SCOC: variants seen among roughly 807,000 people sequenced by gnomAD.
SCOC encodes the protein short coiled-coil protein.
Under a neutral mutation model 9.9 loss-of-function variants are expected in SCOC, and 7 were observed. The ratio of observed to expected loss-of-function variants is 0.71; its 90% CI spans 0.40 to 1.33. The LOEUF (loss-of-function observed/expected upper bound fraction) is 1.33. SCOC is among the 40% of genes most tolerant of loss of function. The probability of loss-of-function intolerance (pLI) is 0.01; values close to 1 mark genes in which losing one functional copy is unlikely to be tolerated. For missense variants in SCOC, 66 were observed against 89.7 expected (o/e 0.74, Z 1.07); for synonymous variants, 19 against 28.2 (o/e 0.67, Z 1.03).
chr4:140,260,697 C>T (rs185711294), intron 1 of SCOC, among the ~76,000 whole-genome samples: 1 of 152,228 alleles, frequency 6.6e-6, no homozygotes, highest in African/African-American at 2.4e-5. Flanking sequence ...CAGGCCCACT[C>T]CAAAGAATAA....
At chr4:140,292,155 A>G (rs1418737426) in intron 1 of SCOC, among the ~76,000 whole-genome samples, 2 of 148,348 alleles carry the variant, frequency 1.3e-5, no homozygotes, top group Admixed American at 6.7e-5. Context: ...TTGATCACGC[A>G]TGCTCAAAAT....
chr4:140,294,349 G>A (rs571636813), intron 1 of SCOC, among the ~76,000 whole-genome samples: 12 of 152,280 alleles, frequency 7.9e-5, no homozygotes, highest in Admixed American at 7.8e-4. Flanking sequence ...TGGAAGTACC[G>A]GATGCCACTG....
At chr4:140,284,957 C>A in intron 1 of SCOC, 1 of 263,620 alleles carries the variant, frequency 3.8e-6, no homozygotes, top group Non-Finnish European at 7.6e-6. Flanking sequence ...AAAGTACAAT[C>A]ATGCAAATTT....
upstream of SCOC, among the ~76,000 whole-genome samples, chr4:140,343,089 C>T (rs1261987934): frequency 6.6e-6 from 1 of 151,918 alleles, no homozygotes; most frequent in East Asian, 1.9e-4. Flanking sequence ...ATGTATGAAT[C>T]TTATTTCTTC....
intron 1 of SCOC, among the ~76,000 whole-genome samples, chr4:140,277,600 TA>T (rs142346557): frequency 1.5e-3 from 234 of 152,326 alleles, no homozygotes; most frequent in African/African-American, 5.4e-3. Flanking sequence ...TTAAGTAGCT[TA>T]TAAGCTTTTG....
chr4:140,268,115 G>A (rs1004227479), intron 1 of SCOC, among the ~76,000 whole-genome samples: 5 of 152,224 alleles, frequency 3.3e-5, no homozygotes, highest in African/African-American at 1.2e-4. Context: ...ATGGGGTGAA[G>A]GATTCACTAA....
chr4:140,279,518 C>T (rs71606891), intron 1 of SCOC, among the ~76,000 whole-genome samples: 8,729 of 151,956 alleles, frequency 0.057, 474 homozygotes, highest in East Asian at 0.28. Flanking sequence ...ATACTGGACA[C>T]GCTAAATAAT....
intron 1 of SCOC, among the ~76,000 whole-genome samples, chr4:140,263,526 A>G (rs757784037): frequency 6.6e-6 from 1 of 152,146 alleles, no homozygotes; most frequent in Non-Finnish European, 1.5e-5. Context: ...TTTGTTTGAG[A>G]TGACACCGGG....
chr4:140,322,069 G>A (rs1732515197), intron 1 of SCOC, among the ~76,000 whole-genome samples: 1 of 152,144 alleles, frequency 6.6e-6, no homozygotes, highest in South Asian at 2.1e-4. Context: ...TCTTGGACTT[G>A]CCAACCTCTA....
At chr4:140,355,224 T>TATA (rs1727167854) in intron 2 of SCOC, among the ~76,000 whole-genome samples, 1 of 80,216 alleles carries the variant, frequency 1.2e-5, no homozygotes, top group Non-Finnish European at 2.8e-5. Context: ...TATATATATA[T>TATA]ATATATATAT....
chr4:140,351,202 A>AAAG (rs946080423), intron 2 of SCOC, among the ~76,000 whole-genome samples: 1 of 151,868 alleles, frequency 6.6e-6, no homozygotes, highest in South Asian at 2.1e-4. Context: ...AAAAAAAAAA[A>AAAG]AAGAAGAAGA....
At chr4:140,353,854 A>G (rs1005243927) in intron 2 of SCOC, among the ~76,000 whole-genome samples, 6 of 152,228 alleles carry the variant, frequency 3.9e-5, no homozygotes, top group Admixed American at 2.6e-4. Context: ...CACAGTCAAC[A>G]GCAGGCTCTT....
chr4:140,324,353 A>G (rs1411938515), intron 1 of SCOC, among the ~76,000 whole-genome samples: 1 of 152,210 alleles, frequency 6.6e-6, no homozygotes, highest in Non-Finnish European at 1.5e-5. Flanking sequence ...AGTCATAGCC[A>G]GTGAAATAAG....
At chr4:140,259,792 A>G (rs975294160) in intron 1 of SCOC, among the ~76,000 whole-genome samples, 8 of 152,236 alleles carry the variant, frequency 5.3e-5, no homozygotes, top group Non-Finnish European at 8.8e-5. Context: ...GAAGATGCCC[A>G]AAGTTCTCAT....
chr4:140,356,439 T>C (rs947223967), intron 2 of SCOC, among the ~76,000 whole-genome samples: 4 of 152,238 alleles, frequency 2.6e-5, no homozygotes, highest in Admixed American at 6.5e-5. Context: ...CCAGTTGTCT[T>C]GATAATATCC....
intron 1 of SCOC, among the ~76,000 whole-genome samples, chr4:140,307,273 C>T (rs1732021427): frequency 6.6e-6 from 1 of 152,212 alleles, no homozygotes; most frequent in Non-Finnish European, 1.5e-5. Context: ...GCAATTAACA[C>T]TACTCAGTCC....
At chr4:140,312,987 T>G (rs1313010212) in intron 1 of SCOC, among the ~76,000 whole-genome samples, 3 of 152,208 alleles carry the variant, frequency 2.0e-5, no homozygotes, top group Non-Finnish European at 4.4e-5. Flanking sequence ...AAAATTGAGA[T>G]GACATTTTAC....
chr4:140,343,663 G>C, exon 2 of SCOC: 2 of 1,613,782 alleles, frequency 1.2e-6, no homozygotes, highest in Non-Finnish European at 1.7e-6. Context: ...GAAAGAGGAG[G>C]AGGAAGACAG....
At chr4:140,284,190 G>A (rs1006976730) in intron 1 of SCOC, 3 of 151,462 alleles carry the variant, frequency 2.0e-5, no homozygotes, top group South Asian at 2.1e-4. Context: ...CTCTCTTTTC[G>A]TACGTTACAG....
Sources: allele counts gnomAD v4.1 joint callset (sites outside exome capture counted in the v4.1 genomes callset), GRCh38; gene constraint gnomAD v4.1.1; transcripts MANE v1.5; gene names NCBI Gene and HGNC (gene_info 2026-07-23, HGNC 2026-07-21).